The following RAB3GAP2 variants were observed in gnomAD, a reference collection of about 807,000 sequenced individuals.
RAB3GAP2 encodes rab3 GTPase-activating protein non-catalytic subunit.
In RAB3GAP2, 87 loss-of-function variants were observed where a neutral mutation model predicts 185.3. The ratio of observed to expected loss-of-function variants is 0.47; its 90% CI spans 0.39 to 0.56. RAB3GAP2 has a LOEUF of 0.56. Ranked by LOEUF, RAB3GAP2 falls within the 20% of genes least tolerant of loss-of-function variation. RAB3GAP2 has a pLI of 0.00. For missense variants in RAB3GAP2, 1,492 were observed against 1,638.2 expected (o/e 0.91, Z 1.54); for synonymous variants, 554 against 576.1 (o/e 0.96, Z 0.55).
chr1:220,170,000 CAA>C (rs2102858361), intron 24 of RAB3GAP2, among the ~76,000 whole-genome samples: 1 of 152,172 alleles, frequency 6.6e-6, no homozygotes, highest in South Asian at 2.1e-4. Flanking sequence ...TTCATAATAG[CAA>C]AGACTTGGAA....
intron 31 of RAB3GAP2, among the ~76,000 whole-genome samples, chr1:220,156,145 T>A (rs1657852773): frequency 6.6e-6 from 1 of 152,014 alleles, no homozygotes; most frequent in African/African-American, 2.4e-5. Flanking sequence ...GTGACAGGGT[T>A]TCACCATGTT....
chr1:220,263,855 G>C (rs1265840999), intron 1 of RAB3GAP2, among the ~76,000 whole-genome samples: 4 of 151,912 alleles, frequency 2.6e-5, no homozygotes, highest in Admixed American at 1.3e-4. Flanking sequence ...TCTTACAGGA[G>C]AATGACCTTC....
intron 21 of RAB3GAP2, among the ~76,000 whole-genome samples, chr1:220,175,210 A>C (rs905977589): frequency 2.1e-4 from 32 of 151,974 alleles, no homozygotes; most frequent in Admixed American, 1.7e-3. Flanking sequence ...ATTAAAGTGC[A>C]TCAGATTTCT....
At position 220,148,357 on chromosome 1, in the gene RAB3GAP2, T is replaced by C. The variant is rs1558134909; in HGVS notation, c.*2894A>G. The C allele has an allele frequency of 1.3e-5, 2 of 152,262 alleles. No individual in the cohort carries two copies. Among genetic ancestry groups the C allele is most frequent in the African/African-American group, 4.8e-5 (2 of 41,444 alleles). The allele number at this position is 152,262 out of a possible 1,614,324, so 9.4% of individuals were successfully genotyped here. ...TTCACAACAATGAACAGACAGAAAA[T>C]AGCAGTATATACAGAATTTCACTAC... On this transcript the variant is annotated 3_prime_UTR_variant, in exon 35 of 35. Transcript: ENST00000358951.
intron 2 of RAB3GAP2, among the ~76,000 whole-genome samples, chr1:220,230,038 T>C (rs1324938444): frequency 6.6e-6 from 1 of 152,242 alleles, no homozygotes; most frequent in Non-Finnish European, 1.5e-5. Flanking sequence ...CCTAGAATCA[T>C]GAAGAATCTC....
intron 2 of RAB3GAP2, among the ~76,000 whole-genome samples, chr1:220,215,889 T>C (rs1271484744): frequency 6.6e-6 from 1 of 152,146 alleles, no homozygotes; most frequent in Non-Finnish European, 1.5e-5. Context: ...AAAAAAATTA[T>C]AATTTCATGC....
At chr1:220,257,817 T>C (rs1169813576) in intron 1 of RAB3GAP2, among the ~76,000 whole-genome samples, 1 of 151,652 alleles carries the variant, frequency 6.6e-6, no homozygotes, top group Non-Finnish European at 1.5e-5. Context: ...ATTAATAAAA[T>C]AGATAGAACT....
intron 10 of RAB3GAP2, among the ~76,000 whole-genome samples, chr1:220,195,715 TTC>T (rs1487050131): frequency 6.6e-6 from 1 of 152,188 alleles, no homozygotes; most frequent in South Asian, 2.1e-4. Context: ...ACTGGCTCCT[TTC>T]TCTCTTTAAA....
chr1:220,193,840 C>T (rs1013150206), intron 12 of RAB3GAP2, among the ~76,000 whole-genome samples: 7 of 152,130 alleles, frequency 4.6e-5, no homozygotes, highest in African/African-American at 1.4e-4. Flanking sequence ...TATCTCTAAA[C>T]TTCTGTTGTT....
chr1:220,252,136 C>A (rs1290541484), intron 1 of RAB3GAP2, among the ~76,000 whole-genome samples: 2 of 140,912 alleles, frequency 1.4e-5, no homozygotes, highest in Non-Finnish European at 3.0e-5. Context: ...TAGGCTGAGA[C>A]CCTCTCTCAA....
chr1:220,232,808 T>G lies in RAB3GAP2; in HGVS notation c.171A>C (p.Pro57=). 6.2e-7 allele frequency: 1 copy of G among 1,613,438 alleles called. No homozygotes were observed. Among genetic ancestry groups the G allele is most frequent in the East Asian group, 2.2e-5 (1 of 44,852 alleles). ...ATTTGTAAAGACTTACAGGTTCTTGTGGTTCATTTTCTTCCCATGCTCCCC... is the reference window on the plus strand; with the variant it reads ...ATTTGTAAAGACTTACAGGTTCTTGGGGTTCATTTTCTTCCCATGCTCCCC... ...DGWGAWEENE[P]QEPEEEGNTC... is the part of the protein sequence containing the mutation. Residue 57 remains proline (P), a synonymous_variant, in exon 2 of 35, where the codon CCA becomes CCC. Transcript: ENST00000358951.
chr1:220,151,543 T>C, intron 34 of RAB3GAP2, 63 bp downstream of exon 34: 7 of 1,586,352 alleles, frequency 4.4e-6, no homozygotes, highest in Non-Finnish European at 6.1e-6. Context: ...ATAACTGTTA[T>C]TAACCAGGCA....
In RAB3GAP2 at chr1:220,272,423, A is replaced by C; in HGVS notation, c.-86T>G. On this transcript the variant is annotated 5_prime_UTR_variant, in exon 1 of 35. Transcript: ENST00000358951. ...CCACTGCGGCCGCCACCGAGCCCCA[A>C]TAGCTCTAGCCAAGCAGAAGGCGGA... 2 of 876,476 alleles carry C rather than the reference A, an allele frequency of 2.3e-6. No individual in the cohort carries two copies. The highest frequency in any genetic ancestry group is 2.0e-5 in the Admixed American group (1 of 49,720). The allele number at this position is 876,476 out of a possible 1,614,324, so 54.3% of individuals were successfully genotyped here.
chr1:220,222,307 A>C (rs1340014164), intron 2 of RAB3GAP2, among the ~76,000 whole-genome samples: 1 of 152,170 alleles, frequency 6.6e-6, no homozygotes, highest in Non-Finnish European at 1.5e-5. Context: ...CTCCCAAACA[A>C]AATTTTTTAC....
chr1:220,177,440 G>A (rs1434561520), intron 21 of RAB3GAP2, among the ~76,000 whole-genome samples: 1 of 152,176 alleles, frequency 6.6e-6, no homozygotes, highest in Non-Finnish European at 1.5e-5. Flanking sequence ...AACATTCAGG[G>A]AAACACGACC....
chr1:220,153,692 G>A (rs571688600), intron 32 of RAB3GAP2: 339 of 418,378 alleles, frequency 8.1e-4, no homozygotes, highest in Non-Finnish European at 1.2e-3. Flanking sequence ...ATGTTGGTGT[G>A]CTGCACCCCT....
At chr1:220,202,665 G>A (rs1163516410) in intron 8 of RAB3GAP2, among the ~76,000 whole-genome samples, 2 of 152,118 alleles carry the variant, frequency 1.3e-5, no homozygotes, top group African/African-American at 4.8e-5. Flanking sequence ...AATTCAGGCC[G>A]GGCATGGTGG....
At chr1:220,184,193 G>T in intron 18 of RAB3GAP2, 30 bp from the exon 19 acceptor site, 1 of 1,572,812 alleles carries the variant, frequency 6.4e-7, no homozygotes, top group Non-Finnish European at 8.7e-7. Context: ...GTATATATAA[G>T]AGATATATTT....
chr1:220,203,151 T>C (rs985749809), intron 8 of RAB3GAP2, among the ~76,000 whole-genome samples: 1 of 152,154 alleles, frequency 6.6e-6, no homozygotes, highest in Non-Finnish European at 1.5e-5. Context: ...CCAGACTTGA[T>C]AGAAAGATAT....
Sources: gnomAD v4.1 joint callset for allele counts (sites outside exome capture counted in the v4.1 genomes callset) on GRCh38, gnomAD v4.1.1 for gene constraint, MANE v1.5 for transcripts, NCBI Gene and HGNC (gene_info 2026-07-23, HGNC 2026-07-21) for gene names.